The following MOV10L1 variants were observed in gnomAD, a reference collection of about 807,000 sequenced individuals.
The protein encoded by MOV10L1 is RNA helicase Mov10l1.
MOV10L1 carries 110 observed loss-of-function variants against 143.8 expected under a neutral mutation model. The observed-to-expected ratio is 0.76, with a 90% CI of 0.66 to 0.90. The LOEUF is 0.90. Among genes scored for constraint, MOV10L1 ranks in the 40% least tolerant of loss-of-function variants. The pLI is 0.00. For missense variants in MOV10L1, 1,406 were observed against 1,526.8 expected (o/e 0.92, Z 1.32); for synonymous variants, 593 against 581.1 (o/e 1.02, Z -0.29).
intron 3 of MOV10L1, among the ~76,000 whole-genome samples, chr22:50,102,975 T>C (rs1486311373): frequency 6.6e-6 from 1 of 150,776 alleles, no homozygotes; most frequent in Non-Finnish European, 1.5e-5. Flanking sequence ...AGGACTAGAG[T>C]GGGTGGTTTG....
At chr22:50,146,523 C>T (rs2063156607) in intron 19 of MOV10L1, among the ~76,000 whole-genome samples, 1 of 152,124 alleles carries the variant, frequency 6.6e-6, no homozygotes. Flanking sequence ...TAGAGCCAGA[C>T]AGTGTCGGGG....
chr22:50,158,258 C>T lies in MOV10L1; in HGVS notation c.3216+52C>T, dbSNP rs759724107. ...TCTGTGAGGTCCCTGCAGCCCTGCT[C>T]CTTGGCTCCTGCAGCTCCACAGAGG... On this transcript the variant is annotated intron_variant, in intron 23 of 26. Coordinates refer to ENST00000262794, the MANE Select transcript of MOV10L1 (RefSeq NM_018995.3). The surrounding 1 kb of genome is among the most constrained non-coding windows in gnomAD (Gnocchi z 5.0). The T allele has an allele frequency of 4.4e-6, 7 of 1,605,016 alleles. No homozygotes were observed. In the African/African-American group the frequency reaches 9.4e-5, roughly 21 times the overall value.
intron 19 of MOV10L1, among the ~76,000 whole-genome samples, chr22:50,146,365 G>C (rs997496144): frequency 2.6e-5 from 4 of 152,092 alleles, no homozygotes; most frequent in Admixed American, 6.5e-5. Flanking sequence ...ATGGATTGTG[G>C]GGTGCCGGCT....
chr22:50,130,844 T>C (rs534446523), intron 13 of MOV10L1, among the ~76,000 whole-genome samples: 1 of 152,320 alleles, frequency 6.6e-6, no homozygotes, highest in South Asian at 2.1e-4. Context: ...AAGGGATATC[T>C]CGTTGTGGAT....
At chr22:50,109,408 G>A (rs955912225) in intron 5 of MOV10L1, among the ~76,000 whole-genome samples, 2 of 152,000 alleles carry the variant, frequency 1.3e-5, no homozygotes, top group African/African-American at 2.4e-5. Flanking sequence ...GGTGGCTCAC[G>A]CCTGTAATCT....
At chr22:50,144,778 TC>T (rs1193276328) in intron 18 of MOV10L1, among the ~76,000 whole-genome samples, 2 of 152,104 alleles carry the variant, frequency 1.3e-5, no homozygotes, top group Non-Finnish European at 2.9e-5. Context: ...AGACGGAGTT[TC>T]ACCGTGTTAG....
At chr22:50,114,335 G>T (rs2062109086) in intron 6 of MOV10L1, 46 bp from the exon 7 acceptor site, 1 of 1,597,216 alleles carries the variant, frequency 6.3e-7, no homozygotes, top group Non-Finnish European at 8.5e-7. Flanking sequence ...GAATATTTTG[G>T]TTTTAGAAAT....
At chr22:50,106,769 T>G (rs9628284) in intron 3 of MOV10L1, among the ~76,000 whole-genome samples, 6,256 of 147,232 alleles carry the variant, frequency 0.042, 215 homozygotes, top group African/African-American at 0.088. Flanking sequence ...TGGCTCAATC[T>G]CGGCTCACTG....
chr22:50,116,259 A>G (rs1478232444), intron 8 of MOV10L1, among the ~76,000 whole-genome samples: 1 of 151,116 alleles, frequency 6.6e-6, no homozygotes, highest in African/African-American at 2.4e-5. Flanking sequence ...CATAGGTGCT[A>G]ACACAGTGAA....
At chr22:50,129,283 G>A (rs961218294) in intron 13 of MOV10L1, among the ~76,000 whole-genome samples, 9 of 152,292 alleles carry the variant, frequency 5.9e-5, no homozygotes, top group East Asian at 3.9e-4. Context: ...CGGATGAGGG[G>A]TGCTGTGACC....
intron 2 of MOV10L1, among the ~76,000 whole-genome samples, chr22:50,097,980 C>G (rs2062631741): frequency 6.6e-6 from 1 of 152,014 alleles, no homozygotes; most frequent in African/African-American, 2.4e-5. Flanking sequence ...ACTGCAGGTG[C>G]TTGCCACTAC....
intron 22 of MOV10L1, among the ~76,000 whole-genome samples, chr22:50,156,806 T>TTGTAAGTAGTGCTGCTA (rs1459186253): frequency 6.6e-6 from 1 of 152,252 alleles, no homozygotes; most frequent in Non-Finnish European, 1.5e-5. Flanking sequence ...CATTTGACTA[T>TTGTAAGTAGTGCTGCTA]TGTAAGTAGT....
intron 19 of MOV10L1, among the ~76,000 whole-genome samples, chr22:50,147,595 C>T (rs1417885130): frequency 6.6e-6 from 1 of 151,852 alleles, no homozygotes; most frequent in Non-Finnish European, 1.5e-5. Context: ...TGTGCAGAAG[C>T]AGGGAGGGTG....
chr22:50,103,458 ACT>A (rs751134208), intron 3 of MOV10L1, among the ~76,000 whole-genome samples: 33 of 151,850 alleles, frequency 2.2e-4, no homozygotes, highest in Non-Finnish European at 4.0e-4. Context: ...AGGCTGAAGC[ACT>A]CTCTGTGGTG....
intron 24 of MOV10L1, among the ~76,000 whole-genome samples, chr22:50,160,062 AGGCAGCTGAGGAGCAGAGAGTGGGAG>A (rs1361270330): frequency 6.6e-6 from 1 of 152,158 alleles, no homozygotes; most frequent in Non-Finnish European, 1.5e-5. Flanking sequence ...TTGGAAGAAC[AGGCAGCTGAGGAGCAGAGAGTGGGAG>A]GGCAGGTACC....
At position 50,159,657 on chromosome 22, in the gene MOV10L1, T is replaced by G. The variant is rs766123291; in HGVS notation, c.3217-21T>G. 6.7e-7 allele frequency: 1 copy of G among 1,485,150 alleles called. No individual in the cohort carries two copies. Among genetic ancestry groups the G allele is most frequent in the Non-Finnish European group, 9.3e-7 (1 of 1,073,188 alleles). The allele number at this position is 1,485,150 out of a possible 1,614,324, so 92.0% of individuals were successfully genotyped here. A position where few individuals can be genotyped will look rare whatever the true frequency, so the allele number is the denominator to read the frequency against. ...ATTTGTACAGTGTTATCTTTAGTCT[T>G]TCTTTTAATCTGTTCTCAAGGTGGA... is the stretch of plus-strand genomic sequence containing the variant. On this transcript the variant is annotated intron_variant, in intron 23 of 26. Coordinates refer to ENST00000262794, the MANE Select transcript of MOV10L1 (RefSeq NM_018995.3). The surrounding 1 kb of genome is among the most constrained non-coding windows in gnomAD (Gnocchi z 4.1).
At chr22:50,142,801 AC>A (rs1410244771) in intron 16 of MOV10L1, among the ~76,000 whole-genome samples, 2 of 151,860 alleles carry the variant, frequency 1.3e-5, no homozygotes, top group Non-Finnish European at 2.9e-5. Flanking sequence ...GTGCCACTGT[AC>A]TCCAAGCTGG....
intron 4 of MOV10L1, 73 bp downstream of exon 4, chr22:50,108,321 G>A: frequency 7.5e-7 from 1 of 1,327,052 alleles, no homozygotes; most frequent in South Asian, 1.2e-5. Context: ...GCACGGCCCA[G>A]GCTTCTCCTG....
intron 15 of MOV10L1, among the ~76,000 whole-genome samples, chr22:50,135,888 T>C (rs1016443143): frequency 6.6e-6 from 1 of 152,202 alleles, no homozygotes; most frequent in African/African-American, 2.4e-5. Flanking sequence ...TATCTTCATG[T>C]TTCTAGTAAC....
Sources: gnomAD v4.1 joint callset for allele counts (sites outside exome capture counted in the v4.1 genomes callset) on GRCh38, gnomAD v4.1.1 for gene constraint, Gnocchi (gnomAD v3.1) non-coding constraint, MANE v1.5 for transcripts, NCBI Gene and HGNC (gene_info 2026-07-23, HGNC 2026-07-21) for gene names.